Variants in LARP1B observed in about 807,000 individuals in gnomAD.
LARP1B encodes the protein la-related protein 1B.
LARP1B carries 76 observed loss-of-function variants against 114.2 expected under a neutral mutation model. That is an observed-to-expected ratio of 0.67 (90% CI 0.55 to 0.81). LARP1B has a LOEUF of 0.81. LARP1B is among the 30% of genes least tolerant of loss of function. The pLI is 0.00. For synonymous variants in LARP1B, 345 were observed against 348.0 expected (o/e 0.99, Z 0.10); for missense variants, 1,014 against 1,075.8 (o/e 0.94, Z 0.80).
At chr4:128,108,980 T>C (rs986847518) in intron 9 of LARP1B, 1 of 279,226 alleles carries the variant, frequency 3.6e-6, no homozygotes, top group African/African-American at 2.3e-5. Flanking sequence ...AGCCAGTATA[T>C]ATTAAAATGT....
intron 5 of LARP1B, among the ~76,000 whole-genome samples, chr4:128,083,357 C>T (rs1171319891): frequency 5.9e-5 from 9 of 152,114 alleles, no homozygotes; most frequent in East Asian, 1.9e-4. Flanking sequence ...GGGTGGTGGC[C>T]GGGCAGAGGG....
intron 15 of LARP1B, among the ~76,000 whole-genome samples, chr4:128,196,860 A>G (rs1293635279): frequency 6.6e-6 from 1 of 152,228 alleles, no homozygotes; most frequent in African/African-American, 2.4e-5. Context: ...TAAATATTCA[A>G]CCACAAAAAG....
chr4:128,062,592 C>CTTTTTT lies in LARP1B; in HGVS notation c.-78+1204_-78+1209dup, dbSNP rs10659836. 1.4e-3 allele frequency among the ~76,000 whole-genome samples: 182 copies of CTTTTTT among 128,232 alleles called. 5 individuals are homozygous for CTTTTTT. The highest frequency in any genetic ancestry group is 0.012 in the East Asian group (45 of 3,896). The allele number at this position is 128,232 out of a possible 152,430, so 84.1% of individuals were successfully genotyped here. A position where few individuals can be genotyped will look rare whatever the true frequency, so the allele number is the denominator to read the frequency against. ...CTTCGTATGGGAAAGTTTTGGTAGA[C>CTTTTTT]TTTTTTTTTTTTTTTTTTACATAAA... On this transcript the variant is annotated intron_variant, in intron 1 of 19. Coordinates refer to ENST00000326639, the MANE Select transcript of LARP1B (RefSeq NM_018078.4).
At chr4:128,169,882 C>A (rs1448212191) in intron 12 of LARP1B, among the ~76,000 whole-genome samples, 2 of 152,134 alleles carry the variant, frequency 1.3e-5, no homozygotes, top group African/African-American at 4.8e-5. Flanking sequence ...AATGATCCAC[C>A]CACCTCGGCC....
intron 12 of LARP1B, among the ~76,000 whole-genome samples, chr4:128,168,918 C>G (rs1216816846): frequency 1.3e-5 from 2 of 152,008 alleles, no homozygotes; most frequent in Non-Finnish European, 2.9e-5. Flanking sequence ...TGGTAGCATT[C>G]CCAAGTGATG....
chr4:128,176,892 C>T lies in LARP1B; in HGVS notation c.1669C>T (p.His557Tyr). Residue 557 changes from histidine (H) to tyrosine (Y), a missense_variant, in exon 13 of 20, where the codon CAC becomes TAC. Transcript: ENST00000326639. ...GGCAGGAGGTGTTCAAGGAGTGCTT[C>T]ACATTCCCAAGAAAGGTAACATCTG... ...SRQGGVQGVL[H>Y]IPKKDLTDEL... The T allele has an allele frequency of 6.2e-7, 1 of 1,613,910 alleles. No homozygotes were observed. The highest frequency in any genetic ancestry group is 8.5e-7 in the Non-Finnish European group (1 of 1,179,844).
chr4:128,210,050 T>G lies in LARP1B; in HGVS notation c.2742T>G (p.His914Gln). 6.2e-7 allele frequency: 1 copy of G among 1,613,958 alleles called. No homozygotes were observed. Among genetic ancestry groups the G allele is most frequent in the Non-Finnish European group, 8.5e-7 (1 of 1,179,848 alleles). The stretch of plus-strand genomic sequence containing the variant: ...CACCGGAGTCCAGTGACAATTCACA[T>G]TAAACAGTGCTGCCTGTGTCCTGTG... The part of the protein sequence containing the change: ...NISPESSDNS[H>Q] The change falls in exon 20 of 20, where the codon CAT (histidine) becomes CAG (glutamine). Residue 914 changes from histidine (H) to glutamine (Q), a missense_variant. Transcript: ENST00000326639.
rs550577308 is a variant in LARP1B at position 128,173,164 on chromosome 4, A to G, written c.1649-3708A>G. Among the ~76,000 whole-genome samples, 5 of 152,248 alleles carry G rather than the reference A, an allele frequency of 3.3e-5. No homozygotes were observed. The South Asian group carries it at 1.0e-3, about 32-fold the overall frequency. ...GAATCCAGGATTTGGATTCATATCT[A>G]TCTGACCGCTATAGTTCAGTGGCCA... On this transcript the variant is annotated intron_variant, in intron 12 of 19. Coordinates refer to ENST00000326639, the MANE Select transcript of LARP1B (RefSeq NM_018078.4).
At chr4:128,124,467 C>G (rs1468291001) in intron 11 of LARP1B, among the ~76,000 whole-genome samples, 2 of 152,088 alleles carry the variant, frequency 1.3e-5, no homozygotes, top group Non-Finnish European at 2.9e-5. Context: ...GAAAAAAGGT[C>G]AGTTTGCCTA....
chr4:128,120,781 A>C (rs2149993926), intron 10 of LARP1B, among the ~76,000 whole-genome samples: 2 of 137,194 alleles, frequency 1.5e-5, no homozygotes, highest in South Asian at 2.4e-4. Context: ...AGCTGTTTTA[A>C]GTTCTATAGA....
intron 8 of LARP1B, among the ~76,000 whole-genome samples, chr4:128,104,513 C>T (rs1424330174): frequency 6.6e-6 from 1 of 151,962 alleles, no homozygotes; most frequent in Non-Finnish European, 1.5e-5. Flanking sequence ...GACCTGATCT[C>T]AGCTCACTGC....
At chr4:128,195,534 C>CA (rs1477813077) in intron 15 of LARP1B, among the ~76,000 whole-genome samples, 1 of 152,074 alleles carries the variant, frequency 6.6e-6, no homozygotes, top group Non-Finnish European at 1.5e-5. Flanking sequence ...GCACTGTGCT[C>CA]AACATTTTAC....
chr4:128,123,118 A>T, intron 11 of LARP1B: 1 of 985,410 alleles, frequency 1.0e-6, no homozygotes, highest in Non-Finnish European at 1.2e-6. Context: ...GCTTCATATC[A>T]TCAACAAGAA....
intron 15 of LARP1B, among the ~76,000 whole-genome samples, chr4:128,186,958 G>A (rs1750584335): frequency 6.6e-6 from 1 of 152,198 alleles, no homozygotes; most frequent in Non-Finnish European, 1.5e-5. Flanking sequence ...CCATGTGGTA[G>A]TAAGCCTGCA....
chr4:128,104,355 T>G (rs1781348692), intron 8 of LARP1B, among the ~76,000 whole-genome samples: 1 of 152,226 alleles, frequency 6.6e-6, no homozygotes, highest in Non-Finnish European at 1.5e-5. Context: ...TGAGATTTAT[T>G]CATATTGGTG....
chr4:128,093,289 T>C (rs1007961463), intron 7 of LARP1B, among the ~76,000 whole-genome samples: 1 of 152,136 alleles, frequency 6.6e-6, no homozygotes, highest in African/African-American at 2.4e-5. Flanking sequence ...TGATTTTCTT[T>C]TTGAGAAGTC....
chr4:128,144,029 T>G (rs1442474263), intron 11 of LARP1B, among the ~76,000 whole-genome samples: 1 of 152,130 alleles, frequency 6.6e-6, no homozygotes, highest in East Asian at 1.9e-4. Context: ...TAGGTGATTC[T>G]TTGTTGTAGA....
intron 1 of LARP1B, chr4:128,062,079 A>T: frequency 1.0e-6 from 1 of 985,294 alleles, no homozygotes; most frequent in Non-Finnish European, 1.2e-6. Flanking sequence ...GCCCGGGAAG[A>T]GGTGGCAGCT....
At position 128,186,950 on chromosome 4, in the gene LARP1B, A is replaced by G. The variant is rs184838714; in HGVS notation, c.2003+7438A>G. Among the ~76,000 whole-genome samples, 246 of 152,310 alleles carry G rather than the reference A, an allele frequency of 1.6e-3. 2 individuals carry two copies. The highest frequency in any genetic ancestry group is 1.7e-3 in the Non-Finnish European group (117 of 68,016). ...CAAACCATAAACCTTGGCAGGTTCCATGTGGTAGTAAGCCTGCAGGTGGTG... is the reference window on the plus strand; with the variant it reads ...CAAACCATAAACCTTGGCAGGTTCCGTGTGGTAGTAAGCCTGCAGGTGGTG... On this transcript the variant is annotated intron_variant, in intron 15 of 19. Coordinates refer to ENST00000326639, the MANE Select transcript of LARP1B (RefSeq NM_018078.4).
Sources: gnomAD v4.1 joint callset for allele counts (sites outside exome capture counted in the v4.1 genomes callset) on GRCh38, gnomAD v4.1.1 for gene constraint, MANE v1.5 for transcripts, NCBI Gene and HGNC (gene_info 2026-07-23, HGNC 2026-07-21) for gene names.